PSMA7: variants seen among roughly 807,000 people sequenced by gnomAD.
PSMA7 encodes proteasome subunit alpha type-7.
Under a neutral mutation model 31.3 loss-of-function variants are expected in PSMA7, and 5 were observed. That is an observed-to-expected ratio of 0.16 (90% CI 0.08 to 0.34). The LOEUF (loss-of-function observed/expected upper bound fraction) is 0.34, where lower values mean the gene tolerates loss of function less well. PSMA7 is among the 10% of genes least tolerant of loss of function. The pLI, the probability that PSMA7 is intolerant of heterozygous loss-of-function variation, is 1.00. For synonymous variants in PSMA7, 155 were observed against 121.9 expected (o/e 1.27, Z -1.79); for missense variants, 217 against 327.5 (o/e 0.66, Z 2.60).
chr20:62,137,216 T>G, intron 6 of PSMA7, 148 bp downstream of exon 6: 7 of 939,756 alleles, frequency 7.4e-6, no homozygotes, highest in Non-Finnish European at 8.4e-6. Flanking sequence ...AATCTTCTCT[T>G]TGACGTATGG....
At chr20:62,140,772 C>T (rs371963752) in intron 2 of PSMA7, 46 bp downstream of exon 2, 25 of 1,604,470 alleles carry the variant, frequency 1.6e-5, no homozygotes, top group Non-Finnish European at 2.0e-5. Context: ...CCCTATTCTT[C>T]GCTGAGACTC....
chr20:62,139,733 T>A, intron 3 of PSMA7, 48 bp downstream of exon 3: 1 of 1,613,684 alleles, frequency 6.2e-7, no homozygotes, highest in Non-Finnish European at 8.5e-7. Context: ...GGCGGAGCCG[T>A]GACTGCCCTG....
rs1318287950 is a variant in PSMA7 at position 62,139,132 on chromosome 20, A to G, written c.414T>C (p.Phe138=). 1.2e-6 allele frequency: 2 copies of G among 1,614,202 alleles called. No individual in the cohort carries two copies. The highest frequency in any genetic ancestry group is 1.7e-5 in the Admixed American group (1 of 60,032). ...TCTGATAGAGCCTAGGAGTGCCATC[A>G]AAGTCGAAACCCACGATGAGGGCAG... ...GISALIVGFD[F]DGTPRLYQTD... is the part of the protein sequence containing the mutation. The change falls in exon 4 of 7, where the codon TTT becomes TTC. Residue 138 remains phenylalanine (F), a synonymous_variant. Coordinates refer to ENST00000370873, the MANE Select transcript of PSMA7 (RefSeq NM_002792.4).
intron 1 of PSMA7, 99 bp from the exon 2 acceptor site, chr20:62,141,043 G>C: frequency 1.4e-6 from 2 of 1,438,876 alleles, no homozygotes; most frequent in Non-Finnish European, 1.9e-6. Context: ...GCTGAGGTGG[G>C]TGGATGACTT....
intron 4 of PSMA7, 145 bp downstream of exon 4, chr20:62,138,930 A>G (rs2056910995): frequency 1.8e-6 from 2 of 1,106,030 alleles, no homozygotes; most frequent in Non-Finnish European, 2.6e-6. Flanking sequence ...GCAATGTTTA[A>G]TCATTTTCTT....
chr20:62,138,117 C>T, intron 5 of PSMA7, 54 bp downstream of exon 5: 1 of 1,612,762 alleles, frequency 6.2e-7, no homozygotes, highest in Non-Finnish European at 8.5e-7. Flanking sequence ...CTACCACTCA[C>T]CACCAAAACG....
intron 2 of PSMA7, 32 bp from the exon 3 acceptor site, chr20:62,139,937 G>C (rs372216859): frequency 1.0e-5 from 16 of 1,606,868 alleles, no homozygotes; most frequent in Non-Finnish European, 1.4e-5. Flanking sequence ...TTCTGCTAGA[G>C]AGACAGCACA....
At chr20:62,142,894 C>T (rs142295547) in intron 1 of PSMA7, among the ~76,000 whole-genome samples, 5,396 of 150,876 alleles carry the variant, frequency 0.036, 283 homozygotes, top group African/African-American at 0.12. Context: ...CCCACGCGCC[C>T]GGCCGGGGCC....
At chr20:62,138,860 G>A (rs574478058) in intron 4 of PSMA7, among the ~76,000 whole-genome samples, 2 of 152,144 alleles carry the variant, frequency 1.3e-5, no homozygotes, top group Admixed American at 6.5e-5. Context: ...GCCCACCCAA[G>A]AATTTTAATT....
intron 5 of PSMA7, among the ~76,000 whole-genome samples, chr20:62,137,661 T>C (rs535795241): frequency 6.6e-6 from 1 of 152,306 alleles, no homozygotes; most frequent in South Asian, 2.1e-4. Flanking sequence ...TCCTGCACAG[T>C]AGCGCTGCTC....
intron 3 of PSMA7, 142 bp from the exon 4 acceptor site, chr20:62,139,339 C>A: frequency 3.8e-6 from 4 of 1,062,328 alleles, no homozygotes; most frequent in Non-Finnish European, 5.3e-6. Context: ...GATACATTAG[C>A]CAATAGCTTT....
At chr20:62,137,316 A>G (rs774200567) in intron 6 of PSMA7, 48 bp downstream of exon 6, 2 of 1,580,536 alleles carry the variant, frequency 1.3e-6, no homozygotes, top group African/African-American at 1.3e-5. Context: ...AGCCCTGATC[A>G]TGGGAGAAAA....
At chr20:62,141,578 C>T (rs1451206475) in intron 1 of PSMA7, among the ~76,000 whole-genome samples, 1 of 152,240 alleles carries the variant, frequency 6.6e-6, no homozygotes, top group Non-Finnish European at 1.5e-5. Context: ...ATATAATCGG[C>T]ATGTGTTTCC....
intron 6 of PSMA7, among the ~76,000 whole-genome samples, 175 bp from the exon 7 acceptor site, chr20:62,137,124 T>C (rs1047918): frequency 0.29 from 9,646 of 32,926 alleles, 948 homozygotes; most frequent in African/African-American, 0.33. Context: ...TAAGCAGCAG[T>C]AGCAGCAGCA....
rs1568724533 is a variant in PSMA7, at chr20:62,136,865, CTTTCT to C, written c.734_738del (p.Lys245SerfsTer?). 6.3e-7 allele frequency: 1 copy of C among 1,597,460 alleles called. No homozygotes were observed. The highest frequency in any genetic ancestry group is 8.5e-7 in the Non-Finnish European group (1 of 1,174,728). ...CAAAGACATTTTATTCATCATGATG[CTTTCT>C]TTTGTTTCTTCTTTTCGTTTTCTTC... is the stretch of plus-strand genomic sequence containing the variant. On this transcript the variant is annotated frameshift_variant, in exon 7 of 7. Transcript: ENST00000370873. LOFTEE classifies it high-confidence loss of function.
chr20:62,143,304 G>T lies in PSMA7; in HGVS notation c.-1C>A. 2.8e-6 allele frequency: 4 copies of T among 1,411,492 alleles called. No individual in the cohort carries two copies. Among genetic ancestry groups the T allele is most frequent in the Non-Finnish European group, 2.8e-6 (3 of 1,068,310 alleles). The allele number at this position is 1,411,492 out of a possible 1,614,324, so 87.4% of individuals were successfully genotyped here. ...CGGTGATGGCGCGGTCGTAGCTCATGCCGGCGGGCGGCGGCCGGGCTCCTT... is the reference window on the plus strand; with the variant it reads ...CGGTGATGGCGCGGTCGTAGCTCATTCCGGCGGGCGGCGGCCGGGCTCCTT... On this transcript the variant is annotated 5_prime_UTR_variant, in exon 1 of 7. Coordinates refer to ENST00000370873, the MANE Select transcript of PSMA7 (RefSeq NM_002792.4).
intron 5 of PSMA7, among the ~76,000 whole-genome samples, chr20:62,137,650 C>T (rs1172079927): frequency 6.6e-6 from 1 of 152,226 alleles, no homozygotes; most frequent in Admixed American, 6.5e-5. Flanking sequence ...GGACTCCTCT[C>T]TCCTGCACAG....
chr20:62,139,721 A>G, intron 3 of PSMA7, 60 bp downstream of exon 3: 2 of 1,613,370 alleles, frequency 1.2e-6, no homozygotes, highest in South Asian at 1.1e-5. Flanking sequence ...AGGACCCTCC[A>G]TGGCGGAGCC....
At chr20:62,138,403 A>G in intron 4 of PSMA7, 113 bp from the exon 5 acceptor site, 1 of 1,393,834 alleles carries the variant, frequency 7.2e-7, no homozygotes, top group Non-Finnish European at 9.6e-7. Flanking sequence ...GCAGGAGGCA[A>G]GCTGGAGTGC....
Sources: gnomAD v4.1 joint callset for allele counts (sites outside exome capture counted in the v4.1 genomes callset) on GRCh38, gnomAD v4.1.1 for gene constraint, MANE v1.5 for transcripts, NCBI Gene and HGNC (gene_info 2026-07-23, HGNC 2026-07-21) for gene names.